GRIK1: variants seen among roughly 807,000 people sequenced by gnomAD.
GRIK1 encodes glutamate receptor ionotropic, kainate 1.
GRIK1 carries 69 observed loss-of-function variants against 105.7 expected under a neutral mutation model. The observed-to-expected ratio is 0.65, with a 90% CI of 0.54 to 0.80. The LOEUF (loss-of-function observed/expected upper bound fraction) is 0.80. GRIK1 is among the 30% of genes least tolerant of loss of function. The pLI, the probability that GRIK1 is intolerant of heterozygous loss-of-function variation, is 0.00. For synonymous variants in GRIK1, 438 were observed against 431.3 expected (o/e 1.02, Z -0.19); for missense variants, 1,109 against 1,167.3 (o/e 0.95, Z 0.73).
At chr21:29,541,003 C>T (rs1389428451) in intron 16 of GRIK1, among the ~76,000 whole-genome samples, 5 of 146,904 alleles carry the variant, frequency 3.4e-5, no homozygotes, top group Admixed American at 2.0e-4. Context: ...GAGTCTCACT[C>T]TGTCACCAGG....
intron 7 of GRIK1, among the ~76,000 whole-genome samples, chr21:29,630,106 G>C (rs1191192840): frequency 1.3e-5 from 2 of 152,078 alleles, no homozygotes; most frequent in Non-Finnish European, 2.9e-5. Context: ...AGGAATTAAG[G>C]GTATTCCTGA....
chr21:29,818,903 G>A (rs75571315), intron 1 of GRIK1, among the ~76,000 whole-genome samples: 5,436 of 152,130 alleles, frequency 0.036, 150 homozygotes, highest in Middle Eastern at 0.12. Flanking sequence ...ATGGCCAGGA[G>A]CATTTGTTCA....
chr21:29,673,803 G>T (rs2063204610), intron 3 of GRIK1, among the ~76,000 whole-genome samples: 1 of 152,024 alleles, frequency 6.6e-6, no homozygotes, highest in Non-Finnish European at 1.5e-5. Flanking sequence ...GATCATAAAA[G>T]CAGAAACAGA....
intron 1 of GRIK1, among the ~76,000 whole-genome samples, chr21:29,740,208 C>G (rs1363346405): frequency 8.0e-5 from 12 of 150,816 alleles, no homozygotes; most frequent in Admixed American, 7.9e-4. Flanking sequence ...TCATGCTGCC[C>G]TTATTTTCCT....
intron 1 of GRIK1, among the ~76,000 whole-genome samples, chr21:29,752,602 G>T (rs568761505): frequency 3.3e-5 from 5 of 152,196 alleles, no homozygotes; most frequent in Admixed American, 2.6e-4. Flanking sequence ...GAGGTGGGAG[G>T]ATCACTGGAG....
chr21:29,776,593 A>G (rs1238887012), intron 1 of GRIK1, among the ~76,000 whole-genome samples: 1 of 152,216 alleles, frequency 6.6e-6, no homozygotes, highest in Non-Finnish European at 1.5e-5. Context: ...TCCAGTGTGG[A>G]ACAAGTGGAT....
chr21:29,859,517 A>T (rs1426548766), intron 1 of GRIK1, among the ~76,000 whole-genome samples: 4 of 152,316 alleles, frequency 2.6e-5, no homozygotes, highest in African/African-American at 9.6e-5. Context: ...GATAGTCAAC[A>T]GCTAAGAAAT....
chr21:29,799,350 G>A (rs2066642520), intron 1 of GRIK1, among the ~76,000 whole-genome samples: 1 of 152,148 alleles, frequency 6.6e-6, no homozygotes, highest in Non-Finnish European at 1.5e-5. Context: ...TCTCACTTAA[G>A]GTAGAGAGTA....
At chr21:29,848,779 A>ATTTTTTTTTTTT (rs1555898508) in intron 1 of GRIK1, among the ~76,000 whole-genome samples, 3 of 77,854 alleles carry the variant, frequency 3.9e-5, no homozygotes, top group African/African-American at 1.8e-4. Flanking sequence ...ATATATATAT[A>ATTTTTTTTTTTT]TTTTTTTTTT....
intron 1 of GRIK1, among the ~76,000 whole-genome samples, chr21:29,875,617 C>G (rs1465951847): frequency 1.3e-5 from 2 of 152,132 alleles, no homozygotes; most frequent in Non-Finnish European, 2.9e-5. Flanking sequence ...TTTCCCCCTT[C>G]TCTTCTTTTT....
At chr21:29,686,421 G>T (rs2063487619) in intron 3 of GRIK1, among the ~76,000 whole-genome samples, 1 of 152,182 alleles carries the variant, frequency 6.6e-6, no homozygotes, top group South Asian at 2.1e-4. Flanking sequence ...GAGGAGGAAA[G>T]AAGGGCATGA....
At chr21:29,648,192 A>G (rs1038101657) in intron 6 of GRIK1, among the ~76,000 whole-genome samples, 7 of 152,320 alleles carry the variant, frequency 4.6e-5, no homozygotes, top group African/African-American at 1.7e-4. Flanking sequence ...ATATTCATCC[A>G]TGTATGTATG....
chr21:29,578,598 T>C (rs2090948705), intron 13 of GRIK1, among the ~76,000 whole-genome samples: 1 of 152,202 alleles, frequency 6.6e-6, no homozygotes, highest in Non-Finnish European at 1.5e-5. Context: ...AGGGAAATGG[T>C]TTGACAGCGA....
intron 1 of GRIK1, among the ~76,000 whole-genome samples, chr21:29,791,509 T>TGGGGG (rs554227421): frequency 1.9e-3 from 283 of 149,788 alleles, no homozygotes; most frequent in African/African-American, 6.3e-3. Flanking sequence ...AGAAGGGAAG[T>TGGGGG]GGGGGGGGAA....
At chr21:29,883,302 A>G (rs1250225876) in intron 1 of GRIK1, among the ~76,000 whole-genome samples, 1 of 152,120 alleles carries the variant, frequency 6.6e-6, no homozygotes, top group Non-Finnish European at 1.5e-5. Flanking sequence ...AGAACTGATA[A>G]TAAGTGCAAT....
At chr21:29,565,031 G>T (rs2090579873) in intron 14 of GRIK1, among the ~76,000 whole-genome samples, 1 of 152,184 alleles carries the variant, frequency 6.6e-6, no homozygotes, top group Non-Finnish European at 1.5e-5. Flanking sequence ...CTCCCAGGGA[G>T]CTACAGGGGA....
chr21:29,587,640 G>A (rs1431937498), intron 11 of GRIK1, 51 bp from the exon 12 acceptor site: 1 of 1,046,352 alleles, frequency 9.6e-7, no homozygotes, highest in Admixed American at 2.0e-5. Flanking sequence ...CTTTGCAAAT[G>A]TCTAGACTTT....
chr21:29,767,515 GA>G (rs78865885), intron 1 of GRIK1, among the ~76,000 whole-genome samples: 3,807 of 141,008 alleles, frequency 0.027, 118 homozygotes, highest in East Asian at 0.11. Flanking sequence ...GAGAAAGATG[GA>G]AAAAAAAAAA....
chr21:29,673,014 G>T lies in GRIK1; in HGVS notation c.695C>A (p.Ser232Ter). 6.2e-7 allele frequency: 1 copy of T among 1,613,144 alleles called. No homozygotes were observed. Among genetic ancestry groups the T allele is most frequent in the South Asian group, 1.1e-5 (1 of 90,934 alleles). ...AAGGATTTCAGCGGCTGTTTCATGT[G>T]AACAATCAAATATCACATAGAACTC... ...GKEFYVIFDC[S>*]HETAAEILKQ... Residue 232 changes from serine (S) to a stop codon, truncating the protein, a stop_gained, in exon 4 of 18, where the codon TCA becomes TAA. Transcript: ENST00000327783. LOFTEE classifies it high-confidence loss of function.
Sources: allele counts gnomAD v4.1 joint callset (sites outside exome capture counted in the v4.1 genomes callset), GRCh38; gene constraint gnomAD v4.1.1; transcripts MANE v1.5; gene names NCBI Gene and HGNC (gene_info 2026-07-23, HGNC 2026-07-21).